XKR6: variants seen among roughly 807,000 people sequenced by gnomAD.
The protein encoded by XKR6 is XK related 6, also known as XK-related protein 6.
XKR6 carries 22 observed loss-of-function variants against 56.7 expected under a neutral mutation model. That is an observed-to-expected ratio of 0.39 (90% CI 0.28 to 0.55). The LOEUF is 0.55. Ranked by LOEUF, XKR6 falls within the 20% of genes least tolerant of loss-of-function variation. XKR6 has a pLI of 0.66. For missense variants in XKR6, 852 were observed against 889.0 expected (o/e 0.96, Z 0.53); for synonymous variants, 524 against 387.8 (o/e 1.35, Z -4.13).
chr8:11,192,516 T>C (rs919999662), intron 1 of XKR6, among the ~76,000 whole-genome samples: 5 of 151,754 alleles, frequency 3.3e-5, no homozygotes, highest in African/African-American at 1.2e-4. Context: ...TCAGGAGGCA[T>C]AGGCAAGGGA....
rs368022194 is a variant in XKR6, at chr8:11,168,472, A to G, written c.764+32104T>C. ...AATAGACTTCAATACATCCTATTCA[A>G]TAACAGATAGAAGAACTTGACAAAA... On this transcript the variant is annotated intron_variant, in intron 1 of 2. Transcript: ENST00000416569. Among the ~76,000 whole-genome samples the G allele has an allele frequency of 8.5e-5, 13 of 152,352 alleles. No homozygotes were observed. The East Asian group carries it at 2.3e-3, about 27-fold the overall frequency.
rs367633657 is a variant in XKR6 at position 11,150,134 on chromosome 8, C to T, written c.764+50442G>A. 4.7e-4 allele frequency among the ~76,000 whole-genome samples: 72 copies of T among 152,200 alleles called. No homozygotes were observed. In the South Asian group the frequency reaches 4.8e-3, roughly 10 times the overall value. ...AGGATGGCTAATGGATACAAACACA[C>T]GGTTAGAAGGTGTAAGTTCCAATGT... On this transcript the variant is annotated intron_variant, in intron 1 of 2. Coordinates refer to ENST00000416569, the MANE Select transcript of XKR6 (RefSeq NM_173683.4).
At chr8:11,016,992 C>T (rs1189690310) in intron 1 of XKR6, among the ~76,000 whole-genome samples, 2 of 152,072 alleles carry the variant, frequency 1.3e-5, no homozygotes, top group Admixed American at 1.3e-4. Flanking sequence ...ATTAGATAGA[C>T]TGATAAGATG....
intron 1 of XKR6, among the ~76,000 whole-genome samples, chr8:11,076,292 A>T (rs982637698): frequency 2.0e-5 from 3 of 152,196 alleles, no homozygotes; most frequent in African/African-American, 7.2e-5. Flanking sequence ...TCTGGAGTGG[A>T]TGGTGGTGAT....
Position 10,898,214 on chromosome 8 carries a change from G to T in XKR6, c.1664C>A (p.Thr555Lys). ...RAVTEQQEDL[T>K]ADTCLPVFQV... ...GAAAACAGGCAAGCAAGTGTCAGCCGTGAGATCCTCCTGTTGTTCCGTTAC... is the reference window on the plus strand; with the variant it reads ...GAAAACAGGCAAGCAAGTGTCAGCCTTGAGATCCTCCTGTTGTTCCGTTAC... The change falls in exon 3 of 3, where the codon ACG (threonine) becomes AAG (lysine). Residue 555 changes from threonine to lysine, a missense_variant. Around this residue, in one of 4 missense-constraint regions of XKR6, gnomAD observed 197 missense variants for 190.9 expected, o/e 1.03. Transcript: ENST00000416569. This position sits in a 1 kb window ranked among gnomAD's most constrained non-coding sequence, Gnocchi z 6.6. 6.2e-7 allele frequency: 1 copy of T among 1,614,150 alleles called. No individual in the cohort carries two copies. Among genetic ancestry groups the T allele is most frequent in the South Asian group, 1.1e-5 (1 of 91,070 alleles).
chr8:11,179,710 C>T lies in XKR6; in HGVS notation c.764+20866G>A, dbSNP rs369412749. Among the ~76,000 whole-genome samples the T allele has an allele frequency of 2.6e-5, 4 of 152,320 alleles. No individual in the cohort carries two copies. In the East Asian group the frequency reaches 5.8e-4, roughly 22 times the overall value. On this transcript the variant is annotated intron_variant, in intron 1 of 2. Transcript: ENST00000416569. ...GTGTCAACACTGCAGGACTTTCACA[C>T]TGTTTGTTCACCCAGAAAGATAATG...
At chr8:11,002,849 A>G (rs1016165567) in intron 1 of XKR6, among the ~76,000 whole-genome samples, 3 of 152,220 alleles carry the variant, frequency 2.0e-5, no homozygotes, top group Non-Finnish European at 4.4e-5. Flanking sequence ...CAGATGGGAT[A>G]TAAAAGTCAC....
chr8:11,020,933 G>C (rs138218927), intron 1 of XKR6, among the ~76,000 whole-genome samples: 96 of 152,318 alleles, frequency 6.3e-4, no homozygotes, highest in African/African-American at 2.2e-3. Context: ...GCTTAGCATA[G>C]TGGCTGGCAC....
chr8:10,898,393 A>G lies in XKR6; in HGVS notation c.1485T>C (p.Tyr495=). Reference sequence around the variant, plus strand: ...GTGGTCCTGTGGGATGCAGCACGCCATAGTATAAGAGCATCATTGCGATCC... The same window carrying G: ...GTGGTCCTGTGGGATGCAGCACGCCGTAGTATAAGAGCATCATTGCGATCC... ...VAGIAMMLLY[Y]GVLHPTGPRA... Residue 495 remains tyrosine (Y), a synonymous_variant, in exon 3 of 3, where the codon TAT becomes TAC. Coordinates refer to ENST00000416569, the MANE Select transcript of XKR6 (RefSeq NM_173683.4). This position sits in a 1 kb window ranked among gnomAD's most constrained non-coding sequence, Gnocchi z 6.6. 2 of 1,614,122 alleles carry G rather than the reference A, an allele frequency of 1.2e-6. No homozygotes were observed. Among genetic ancestry groups the G allele is most frequent in the Middle Eastern group, 1.6e-4 (1 of 6,062 alleles).
At chr8:10,978,867 C>A (rs1373226141) in intron 1 of XKR6, among the ~76,000 whole-genome samples, 1 of 152,206 alleles carries the variant, frequency 6.6e-6, no homozygotes, top group Non-Finnish European at 1.5e-5. Flanking sequence ...GTGGGCAGGG[C>A]CACATTGCTT....
intron 1 of XKR6, among the ~76,000 whole-genome samples, chr8:10,963,781 C>T (rs971565032): frequency 6.6e-6 from 1 of 152,112 alleles, no homozygotes; most frequent in Admixed American, 6.5e-5. Context: ...TGGATTCAAG[C>T]AATCCTCCCA....
chr8:10,954,923 C>T (rs951340275), intron 1 of XKR6, among the ~76,000 whole-genome samples: 1 of 134,468 alleles, frequency 7.4e-6, no homozygotes, highest in Non-Finnish European at 1.5e-5. Context: ...GGCTGAAGTG[C>T]AGTGGTGCAA....
At chr8:11,027,080 C>T (rs1798886928) in intron 1 of XKR6, among the ~76,000 whole-genome samples, 1 of 152,176 alleles carries the variant, frequency 6.6e-6, no homozygotes, top group Admixed American at 6.5e-5. Context: ...CGTTGCCTAC[C>T]ACACACCTAG....
At chr8:11,143,506 C>A (rs1312309048) in intron 1 of XKR6, among the ~76,000 whole-genome samples, 1 of 152,162 alleles carries the variant, frequency 6.6e-6, no homozygotes, top group East Asian at 1.9e-4. Context: ...TGAGAAACAA[C>A]ATTAAATAGC....
At chr8:11,033,337 G>A (rs865978453) in intron 1 of XKR6, among the ~76,000 whole-genome samples, 8 of 143,400 alleles carry the variant, frequency 5.6e-5, no homozygotes, top group African/African-American at 2.1e-4. Flanking sequence ...GATGGTGATG[G>A]TGGTGGTGAT....
At chr8:11,090,925 A>G (rs2129172664) in intron 1 of XKR6, among the ~76,000 whole-genome samples, 1 of 152,232 alleles carries the variant, frequency 6.6e-6, no homozygotes, top group East Asian at 1.9e-4. Context: ...CCCATTTGAT[A>G]GATGAGAAAA....
intron 1 of XKR6, among the ~76,000 whole-genome samples, chr8:11,117,574 GAAAATGTGAAACCATA>G (rs1445685612): frequency 2.2e-4 from 33 of 152,120 alleles, no homozygotes; most frequent in African/African-American, 5.8e-4. Context: ...CATTTAATCT[GAAAATGTGAAACCATA>G]AAAATGTGAA....
At chr8:11,011,260 A>C (rs945722082) in intron 1 of XKR6, among the ~76,000 whole-genome samples, 13 of 152,186 alleles carry the variant, frequency 8.5e-5, no homozygotes, top group African/African-American at 3.1e-4. Flanking sequence ...CAGTGCCATC[A>C]CACAGCACGC....
chr8:11,195,904 G>A (rs1419273304), intron 1 of XKR6, among the ~76,000 whole-genome samples: 3 of 149,322 alleles, frequency 2.0e-5, no homozygotes, highest in Non-Finnish European at 4.4e-5. Context: ...CGCCACCTCG[G>A]CCTCCCACTG....
Sources: allele counts gnomAD v4.1 joint callset (sites outside exome capture counted in the v4.1 genomes callset), GRCh38; gene constraint gnomAD v4.1.1; regional missense constraint gnomAD v4.1.1; non-coding constraint Gnocchi (gnomAD v3.1); transcripts MANE v1.5; gene names NCBI Gene and HGNC (gene_info 2026-07-23, HGNC 2026-07-21).